The following CCNY variants were observed in gnomAD, a reference collection of about 807,000 sequenced individuals.
CCNY encodes the protein cyclin Y.
Under a neutral mutation model 42.8 loss-of-function variants are expected in CCNY, and 19 were observed. The ratio of observed to expected loss-of-function variants is 0.44; its 90% CI spans 0.31 to 0.65. CCNY has a LOEUF of 0.65. Among genes scored for constraint, CCNY ranks in the 30% least tolerant of loss-of-function variants. The pLI is 0.07. For missense variants in CCNY, 370 were observed against 437.3 expected (o/e 0.85, Z 1.37); for synonymous variants, 165 against 162.7 (o/e 1.01, Z -0.11).
chr10:35,402,128 G>A (rs1047299478), intron 1 of CCNY, among the ~76,000 whole-genome samples: 10 of 152,158 alleles, frequency 6.6e-5, no homozygotes, highest in Admixed American at 3.9e-4. Context: ...TCTCAGGGCT[G>A]CTTCAAGTGG....
rs1299118759 is a variant in CCNY at position 35,547,122 on chromosome 10, C to T, written c.580-5897C>T. On this transcript the variant is annotated intron_variant, in intron 7 of 9. Coordinates refer to ENST00000374704, the MANE Select transcript of CCNY (RefSeq NM_145012.6). Reference sequence around the variant, plus strand: ...TCATCAGCCTTTGTAAAATACGCAGCCTGGGGCCCTAAGATCAGTGCCAGC... The same window carrying T: ...TCATCAGCCTTTGTAAAATACGCAGTCTGGGGCCCTAAGATCAGTGCCAGC... Among the ~76,000 whole-genome samples, 34 of 152,120 alleles carry T rather than the reference C, an allele frequency of 2.2e-4. 1 individual carries two copies. The highest frequency in any genetic ancestry group is 2.2e-3 in the Admixed American group (34 of 15,282).
intron 1 of CCNY, among the ~76,000 whole-genome samples, chr10:35,366,365 A>G (rs1014026314): frequency 6.6e-6 from 1 of 152,258 alleles, no homozygotes; most frequent in African/African-American, 2.4e-5. Flanking sequence ...AAATTTAAGA[A>G]ATGAGTTTTT....
intron 1 of CCNY, among the ~76,000 whole-genome samples, chr10:35,376,842 C>G (rs903606781): frequency 6.6e-6 from 1 of 152,080 alleles, no homozygotes; most frequent in African/African-American, 2.4e-5. Flanking sequence ...ATGTCCAGAA[C>G]AGGGAAATCT....
chr10:35,376,659 C>T (rs1000540505), intron 1 of CCNY, among the ~76,000 whole-genome samples: 1 of 152,176 alleles, frequency 6.6e-6, no homozygotes, highest in African/African-American at 2.4e-5. Flanking sequence ...TAATCCAGAA[C>T]ATTTCTGGTC....
chr10:35,561,229 A>G (rs1387508532), intron 8 of CCNY, among the ~76,000 whole-genome samples: 1 of 152,156 alleles, frequency 6.6e-6, no homozygotes, highest in East Asian at 1.9e-4. Flanking sequence ...CCCAAGTGGG[A>G]AAAGAGTCAG....
chr10:35,251,043 C>T (rs748822540), intron 3 of CCNY: 7 of 152,104 alleles, frequency 4.6e-5, no homozygotes, highest in African/African-American at 1.2e-4. Context: ...CATTCAAATT[C>T]GAATATTTAA....
chr10:35,525,169 A>T (rs1840627258), intron 4 of CCNY, among the ~76,000 whole-genome samples: 1 of 152,058 alleles, frequency 6.6e-6, no homozygotes, highest in Non-Finnish European at 1.5e-5. Context: ...TTTTAATGAT[A>T]AAAAAAAGTT....
At chr10:35,398,101 C>T (rs1002573528) in intron 1 of CCNY, among the ~76,000 whole-genome samples, 2 of 152,090 alleles carry the variant, frequency 1.3e-5, no homozygotes, top group Non-Finnish European at 1.5e-5. Flanking sequence ...TCCTGGGGCC[C>T]GTGGAGGCTG....
At chr10:35,536,001 C>T (rs1840878791) in intron 7 of CCNY, among the ~76,000 whole-genome samples, 1 of 152,144 alleles carries the variant, frequency 6.6e-6, no homozygotes, top group South Asian at 2.1e-4. Flanking sequence ...CTGCTATGAA[C>T]ATAAGTTTGT....
At chr10:35,565,069 A>T (rs192098203) in intron 8 of CCNY, among the ~76,000 whole-genome samples, 1 of 152,188 alleles carries the variant, frequency 6.6e-6, no homozygotes, top group Non-Finnish European at 1.5e-5. Context: ...TGCTCCACAG[A>T]TAGTTCCCTC....
In CCNY at chr10:35,313,309, C is replaced by T. The variant is rs554095608; in HGVS notation, c.-9+62683C>T. Among the ~76,000 whole-genome samples, 122 of 152,278 alleles carry T rather than the reference C, an allele frequency of 8.0e-4. 1 individual carries two copies. The highest frequency in any genetic ancestry group is 6.8e-3 in the Middle Eastern group (2 of 294). ...CATTTTCACAAATTTCTTTACATTG[C>T]AGCAAATTATTTGATTGTGAAGTAT... On this transcript the variant is annotated intron_variant, in intron 3 of 11. Transcript: ENST00000374706.
intron 1 of CCNY, among the ~76,000 whole-genome samples, chr10:35,349,485 G>A (rs571081987): frequency 6.6e-6 from 1 of 152,312 alleles, no homozygotes; most frequent in Admixed American, 6.5e-5. Flanking sequence ...ACCAGAGAAG[G>A]ACAGTGTGCA....
chr10:35,419,103 G>A (rs1024067233), intron 1 of CCNY, among the ~76,000 whole-genome samples: 1 of 152,110 alleles, frequency 6.6e-6, no homozygotes, highest in Non-Finnish European at 1.5e-5. Context: ...ATGAGCCACC[G>A]CACCCGGGTG....
intron 7 of CCNY, among the ~76,000 whole-genome samples, chr10:35,540,564 C>CTTTTTTTTTTTTTTTTTTTTTTTTT (rs561129843): frequency 6.9e-5 from 10 of 144,804 alleles, no homozygotes; most frequent in African/African-American, 2.3e-4. Context: ...ATTCCTTCTA[C>CTTTTTTTTTTTTTTTTTTTTTTTTT]TTTTTTTTTT....
chr10:35,494,253 C>CA (rs1484150714), intron 2 of CCNY, among the ~76,000 whole-genome samples: 5 of 126,544 alleles, frequency 4.0e-5, no homozygotes, highest in Non-Finnish European at 6.7e-5. Context: ...CCCATTTCTA[C>CA]AAAAAAATAA....
At chr10:35,289,854 G>C (rs1564359543) in intron 3 of CCNY, among the ~76,000 whole-genome samples, 1 of 146,914 alleles carries the variant, frequency 6.8e-6, no homozygotes. Flanking sequence ...ATTCCAGTCT[G>C]GGTGACAGAG....
chr10:35,336,434 A>AGGGAAGGGGCG (rs1252507824), upstream of CCNY: 29 of 151,478 alleles, frequency 1.9e-4, no homozygotes, highest in African/African-American at 6.3e-4. Context: ...TCCAGGGCAG[A>AGGGAAGGGGCG]GGGAAGGGGC....
intron 2 of CCNY, among the ~76,000 whole-genome samples, chr10:35,500,196 C>G (rs879868252): frequency 2.0e-5 from 3 of 152,228 alleles, no homozygotes; most frequent in African/African-American, 7.2e-5. Flanking sequence ...CCTGCACATG[C>G]GTCCATCCGA....
chr10:35,354,232 C>T (rs906516163), intron 1 of CCNY, among the ~76,000 whole-genome samples: 13 of 145,602 alleles, frequency 8.9e-5, no homozygotes, highest in African/African-American at 3.1e-4. Context: ...GTCGCTCAGG[C>T]TGGAGTGTAT....
Sources: allele counts gnomAD v4.1 joint callset (sites outside exome capture counted in the v4.1 genomes callset), GRCh38; gene constraint gnomAD v4.1.1; transcripts MANE v1.5; gene names NCBI Gene and HGNC (gene_info 2026-07-23, HGNC 2026-07-21).